Variants in ELOVL5 observed in about 807,000 individuals in gnomAD.
ELOVL5 encodes very long chain fatty acid elongase 5.
ELOVL5 carries 8 observed loss-of-function variants against 38.6 expected under a neutral mutation model. The observed-to-expected ratio is 0.21, with a 90% CI of 0.12 to 0.37. The LOEUF is 0.37. ELOVL5 is among the 10% of genes least tolerant of loss of function. The pLI is 1.00. For missense variants in ELOVL5, 280 were observed against 367.8 expected (o/e 0.76, Z 1.95); for synonymous variants, 127 against 133.7 (o/e 0.95, Z 0.34).
chr6:53,287,125 A>G (rs1216849272), intron 3 of ELOVL5, among the ~76,000 whole-genome samples: 1 of 152,262 alleles, frequency 6.6e-6, no homozygotes, highest in Non-Finnish European at 1.5e-5. Context: ...AGATGCATCC[A>G]TCCAGCTTTT....
At chr6:53,292,991 A>G (rs1766833036) in intron 2 of ELOVL5, among the ~76,000 whole-genome samples, 1 of 152,066 alleles carries the variant, frequency 6.6e-6, no homozygotes, top group Non-Finnish European at 1.5e-5. Flanking sequence ...AGGGAGAGGG[A>G]AACAGGTCAG....
intron 1 of ELOVL5, among the ~76,000 whole-genome samples, chr6:53,344,694 C>G (rs1769463640): frequency 6.6e-6 from 1 of 152,190 alleles, no homozygotes; most frequent in African/African-American, 2.4e-5. Context: ...CATACAATAG[C>G]TCAGTAAGAG....
chr6:53,295,673 A>G lies in ELOVL5; in HGVS notation c.27T>C (p.Ser9=). The part of the protein sequence containing the change: MEHFDASL[S]TYFKALLGPR... ...GGCCTAGCAATGCCTTGAAATAGGT[A>G]CTAAGTGATGCATCAAAATGTTCCA... Residue 9 remains serine, a synonymous_variant, in exon 2 of 8, where the codon AGT becomes AGC. Transcript: ENST00000304434. 1.3e-6 allele frequency: 2 copies of G among 1,597,966 alleles called. No individual in the cohort carries two copies. Among genetic ancestry groups the G allele is most frequent in the Non-Finnish European group, 1.7e-6 (2 of 1,175,502 alleles).
intron 1 of ELOVL5, among the ~76,000 whole-genome samples, chr6:53,303,653 A>C (rs535431951): frequency 3.3e-5 from 5 of 152,328 alleles, no homozygotes; most frequent in Admixed American, 6.5e-5. Context: ...AAGGCAGAAC[A>C]ACCTCATTCC....
intron 6 of ELOVL5, among the ~76,000 whole-genome samples, chr6:53,272,117 T>C (rs1765951436): frequency 6.6e-6 from 1 of 152,202 alleles, no homozygotes; most frequent in African/African-American, 2.4e-5. Flanking sequence ...GACTTTTTTT[T>C]CAGATTGTTA....
rs368232120 is a variant in ELOVL5, at chr6:53,299,736, C to T, written c.-8-4029G>A. 1.6e-4 allele frequency among the ~76,000 whole-genome samples: 25 copies of T among 152,274 alleles called. No individual in the cohort carries two copies. The East Asian group carries it at 4.6e-3, about 28-fold the overall frequency. On this transcript the variant is annotated intron_variant, in intron 1 of 7. Transcript: ENST00000304434. Reference sequence around the variant, plus strand: ...AAGAGGCCCTGTGGAAGCTGGCAGGCACAGGAGCACTCTTTCATCTTTATA... The same window carrying T: ...AAGAGGCCCTGTGGAAGCTGGCAGGTACAGGAGCACTCTTTCATCTTTATA...
chr6:53,307,181 A>C (rs1767615073), intron 1 of ELOVL5, among the ~76,000 whole-genome samples: 1 of 152,198 alleles, frequency 6.6e-6, no homozygotes, highest in South Asian at 2.1e-4. Context: ...AGTGACAGAG[A>C]CAGACATGAC....
chr6:53,293,342 GA>G (rs1242268332), intron 2 of ELOVL5, among the ~76,000 whole-genome samples: 1 of 152,092 alleles, frequency 6.6e-6, no homozygotes, highest in Non-Finnish European at 1.5e-5. Flanking sequence ...TTCTGAGACG[GA>G]GTCTCACTCT....
chr6:53,309,813 C>G (rs1184283546), intron 1 of ELOVL5, among the ~76,000 whole-genome samples: 1 of 152,142 alleles, frequency 6.6e-6, no homozygotes, highest in Non-Finnish European at 1.5e-5. Context: ...AGGCCACCTG[C>G]CAACAGCCAC....
chr6:53,273,168 G>C lies in ELOVL5; in HGVS notation c.621+52C>G, dbSNP rs1030666653. 6 of 1,596,740 alleles carry C rather than the reference G, an allele frequency of 3.8e-6. No homozygotes were observed. The East Asian group carries it at 8.9e-5, about 24-fold the overall frequency. Reference sequence around the variant, plus strand: ...TTACATAACACTAAAGCCAGGAAGAGGTCTGTATCCACCAGGAAGTAAGTC... The same window carrying C: ...TTACATAACACTAAAGCCAGGAAGACGTCTGTATCCACCAGGAAGTAAGTC... On this transcript the variant is annotated intron_variant, in intron 6 of 7. Coordinates refer to ENST00000304434, the MANE Select transcript of ELOVL5 (RefSeq NM_021814.5).
chr6:53,337,762 G>A (rs1320494836), intron 1 of ELOVL5, among the ~76,000 whole-genome samples: 1 of 152,200 alleles, frequency 6.6e-6, no homozygotes, highest in African/African-American at 2.4e-5. Flanking sequence ...CAGAGGCAAG[G>A]AGCCAAGGAG....
At chr6:53,305,721 T>TG (rs1356875700) in intron 1 of ELOVL5, among the ~76,000 whole-genome samples, 1 of 141,286 alleles carries the variant, frequency 7.1e-6, no homozygotes, top group East Asian at 2.2e-4. Flanking sequence ...CTTTCCAGAC[T>TG]GGGCAGCCAG....
chr6:53,328,778 T>A (rs1581986636), intron 1 of ELOVL5, among the ~76,000 whole-genome samples: 1 of 152,190 alleles, frequency 6.6e-6, no homozygotes, highest in African/African-American at 2.4e-5. Flanking sequence ...AAAAATAAAA[T>A]GAACATCTAA....
At chr6:53,332,257 AG>A (rs756636734) in intron 1 of ELOVL5, among the ~76,000 whole-genome samples, 1 of 152,216 alleles carries the variant, frequency 6.6e-6, no homozygotes, top group Non-Finnish European at 1.5e-5. Flanking sequence ...AGTTACATTC[AG>A]TATGGTATTA....
At chr6:53,320,539 G>A (rs1055227031) in intron 1 of ELOVL5, among the ~76,000 whole-genome samples, 3 of 151,872 alleles carry the variant, frequency 2.0e-5, no homozygotes, top group Non-Finnish European at 2.9e-5. Flanking sequence ...GTTTCACCAT[G>A]GTCTCGATCT....
intron 1 of ELOVL5, among the ~76,000 whole-genome samples, chr6:53,320,934 T>C (rs1340065242): frequency 6.6e-6 from 1 of 152,232 alleles, no homozygotes; most frequent in Non-Finnish European, 1.5e-5. Flanking sequence ...AACTACTGTC[T>C]TGCAGTAAGG....
At chr6:53,289,127 C>T (rs1179873649) in intron 3 of ELOVL5, among the ~76,000 whole-genome samples, 1 of 152,194 alleles carries the variant, frequency 6.6e-6, no homozygotes, top group Non-Finnish European at 1.5e-5. Flanking sequence ...TAATCTAGAA[C>T]TTGCTAAAGC....
intron 3 of ELOVL5, among the ~76,000 whole-genome samples, chr6:53,277,442 G>C (rs1180572861): frequency 6.6e-6 from 1 of 152,138 alleles, no homozygotes. Context: ...GAATTAGGAG[G>C]AAGGCTTGAG....
At chr6:53,338,419 G>A (rs1216721494) in intron 1 of ELOVL5, among the ~76,000 whole-genome samples, 1 of 152,180 alleles carries the variant, frequency 6.6e-6, no homozygotes, top group African/African-American at 2.4e-5. Context: ...CTCTGAAAAT[G>A]AAACCATCAC....
Sources: allele counts gnomAD v4.1 joint callset (sites outside exome capture counted in the v4.1 genomes callset), GRCh38; gene constraint gnomAD v4.1.1; transcripts MANE v1.5; gene names NCBI Gene and HGNC (gene_info 2026-07-23, HGNC 2026-07-21).